Variants in DYNC1I1 observed in about 807,000 individuals in gnomAD.
The protein encoded by DYNC1I1 is cytoplasmic dynein 1 intermediate chain 1.
DYNC1I1 carries 43 observed loss-of-function variants against 86.6 expected under a neutral mutation model. The observed-to-expected ratio is 0.50, with a 90% CI of 0.39 to 0.64. The LOEUF is 0.64. Among genes scored for constraint, DYNC1I1 ranks in the 30% least tolerant of loss-of-function variants. The probability of loss-of-function intolerance (pLI) is 0.00; values close to 1 mark genes in which losing one functional copy is unlikely to be tolerated. For synonymous variants in DYNC1I1, 262 were observed against 283.7 expected (o/e 0.92, Z 0.77); for missense variants, 604 against 788.8 (o/e 0.77, Z 2.81).
At chr7:95,995,021 G>A (rs1793824886) in intron 9 of DYNC1I1, among the ~76,000 whole-genome samples, 1 of 152,090 alleles carries the variant, frequency 6.6e-6, no homozygotes, top group Non-Finnish European at 1.5e-5. Flanking sequence ...GCCGAGGCTG[G>A]TGGATCACGA....
intron 14 of DYNC1I1, among the ~76,000 whole-genome samples, chr7:96,052,516 A>G (rs1336469940): frequency 6.6e-6 from 1 of 152,182 alleles, no homozygotes; most frequent in Non-Finnish European, 1.5e-5. Context: ...AATACCTCCT[A>G]TTTCATGAAG....
chr7:95,953,513 A>C (rs1792617003), intron 6 of DYNC1I1, among the ~76,000 whole-genome samples: 1 of 152,198 alleles, frequency 6.6e-6, no homozygotes, highest in Non-Finnish European at 1.5e-5. Flanking sequence ...AACAGATCAG[A>C]CATTACATTG....
chr7:96,077,529 T>A (rs570648087), intron 15 of DYNC1I1, among the ~76,000 whole-genome samples: 1 of 152,308 alleles, frequency 6.6e-6, no homozygotes, highest in South Asian at 2.1e-4. Context: ...AACATTATTG[T>A]TTTTAATAGA....
intron 1 of DYNC1I1, among the ~76,000 whole-genome samples, chr7:95,790,740 G>T (rs1354025822): frequency 3.3e-5 from 5 of 152,200 alleles, no homozygotes; most frequent in Non-Finnish European, 5.9e-5. Context: ...AAGAGAAGAT[G>T]CAAAAAAACA....
intron 6 of DYNC1I1, among the ~76,000 whole-genome samples, chr7:95,964,314 A>T (rs1463397888): frequency 2.0e-5 from 3 of 152,202 alleles, no homozygotes; most frequent in Non-Finnish European, 4.4e-5. Context: ...CACTTCAAAG[A>T]ACCAGATCTG....
intron 1 of DYNC1I1, among the ~76,000 whole-genome samples, chr7:95,785,775 G>GCATA (rs1554382739): frequency 2.6e-4 from 32 of 124,898 alleles, no homozygotes; most frequent in Non-Finnish European, 4.7e-4. Flanking sequence ...GTGTGTATGT[G>GCATA]TATATATATA....
chr7:96,083,643 G>T (rs538140067), intron 16 of DYNC1I1, among the ~76,000 whole-genome samples: 2 of 152,232 alleles, frequency 1.3e-5, no homozygotes, highest in Middle Eastern at 3.4e-3. Flanking sequence ...TGGCAGGGTG[G>T]CACATTTGGA....
intron 10 of DYNC1I1, among the ~76,000 whole-genome samples, chr7:96,024,329 T>C (rs1169823354): frequency 6.6e-6 from 1 of 152,156 alleles, no homozygotes; most frequent in Non-Finnish European, 1.5e-5. Flanking sequence ...ACTCCTAGGC[T>C]CAACCAATCC....
At chr7:95,999,483 A>G (rs2115779646) in intron 10 of DYNC1I1, among the ~76,000 whole-genome samples, 1 of 152,046 alleles carries the variant, frequency 6.6e-6, no homozygotes, top group East Asian at 1.9e-4. Flanking sequence ...ATATCAGCTA[A>G]CCTCGTTTGT....
In DYNC1I1 at chr7:95,813,245, A is replaced by C; in HGVS notation, c.224-2A>C. On this transcript the variant is annotated splice_acceptor_variant, in intron 3 of 16. Transcript: ENST00000447467. LOFTEE classifies it high-confidence loss of function. ...GGGATACCTGTTATTTTCATTATTT[A>C]GTCCCAACCCCTATGTCTCCCTCCT... 6.2e-7 allele frequency: 1 copy of C among 1,613,266 alleles called. No homozygotes were observed.
At chr7:95,988,478 C>T (rs1793651670) in intron 9 of DYNC1I1, among the ~76,000 whole-genome samples, 1 of 152,156 alleles carries the variant, frequency 6.6e-6, no homozygotes, top group African/African-American at 2.4e-5. Flanking sequence ...GCAAATTTAC[C>T]AAAAGCCAAT....
intron 16 of DYNC1I1, among the ~76,000 whole-genome samples, chr7:96,085,836 T>C (rs1425759417): frequency 1.3e-5 from 2 of 152,198 alleles, no homozygotes; most frequent in Non-Finnish European, 2.9e-5. Flanking sequence ...TTGTTTTGGA[T>C]TGTAGGAAGG....
chr7:95,877,056 C>T (rs1790328390), intron 6 of DYNC1I1, among the ~76,000 whole-genome samples: 1 of 152,178 alleles, frequency 6.6e-6, no homozygotes, highest in Non-Finnish European at 1.5e-5. Flanking sequence ...GCCCCCAATT[C>T]AGCTTTAAGG....
chr7:95,775,931 C>T (rs1334895189), intron 1 of DYNC1I1, among the ~76,000 whole-genome samples: 1 of 152,166 alleles, frequency 6.6e-6, no homozygotes, highest in Non-Finnish European at 1.5e-5. Context: ...TGTATAAACC[C>T]TTGACGAGGT....
intron 6 of DYNC1I1, among the ~76,000 whole-genome samples, chr7:95,899,933 G>A (rs1446783249): frequency 6.6e-6 from 1 of 152,136 alleles, no homozygotes; most frequent in African/African-American, 2.4e-5. Context: ...TGATTTTAGA[G>A]CAGCTTGCAG....
At chr7:95,824,198 C>A (rs1795153626) in intron 4 of DYNC1I1, among the ~76,000 whole-genome samples, 1 of 151,316 alleles carries the variant, frequency 6.6e-6, no homozygotes, top group African/African-American at 2.4e-5. Flanking sequence ...CGTCGTGTCG[C>A]CCAGGCTGGT....
chr7:96,032,113 A>G (rs1190030424), intron 11 of DYNC1I1, among the ~76,000 whole-genome samples: 1 of 152,190 alleles, frequency 6.6e-6, no homozygotes, highest in East Asian at 1.9e-4. Flanking sequence ...CACCAGGTAC[A>G]TTGTGCCAAT....
At chr7:95,966,901 A>G (rs1382606118) in intron 6 of DYNC1I1, among the ~76,000 whole-genome samples, 1 of 152,198 alleles carries the variant, frequency 6.6e-6, no homozygotes, top group African/African-American at 2.4e-5. Flanking sequence ...GAGTGTAGAC[A>G]AGAGTTGCTG....
chr7:95,970,157 G>A (rs997316524), intron 6 of DYNC1I1, among the ~76,000 whole-genome samples: 1 of 152,078 alleles, frequency 6.6e-6, no homozygotes, highest in African/African-American at 2.4e-5. Flanking sequence ...AGTTATGTGC[G>A]AGAGCCCTCA....
Sources: gnomAD v4.1 joint callset for allele counts (sites outside exome capture counted in the v4.1 genomes callset) on GRCh38, gnomAD v4.1.1 for gene constraint, MANE v1.5 for transcripts, NCBI Gene and HGNC (gene_info 2026-07-23, HGNC 2026-07-21) for gene names.